Variants in NEK5 observed in about 807,000 individuals in gnomAD.
NEK5 encodes NIMA related kinase 5, also known as serine/threonine-protein kinase Nek5.
Under a neutral mutation model 109.2 loss-of-function variants are expected in NEK5, and 88 were observed. The ratio of observed to expected loss-of-function variants is 0.81; its 90% CI spans 0.68 to 0.96. The LOEUF is 0.96. NEK5 is among the 40% of genes least tolerant of loss of function. NEK5 has a pLI of 0.00. For synonymous variants in NEK5, 283 were observed against 299.9 expected (o/e 0.94, Z 0.58); for missense variants, 834 against 920.7 (o/e 0.91, Z 1.22).
In NEK5 at chr13:52,034,005, G is replaced by T. The variant is rs1397500526; in HGVS notation, c.*2943C>A. ...CCACTCTAAATGTAAGGCAACCCTT[G>T]GCTTTGGAGAAGCATCTGTTCCAAT... is the stretch of plus-strand genomic sequence containing the variant. On this transcript the variant is annotated 3_prime_UTR_variant, in exon 24 of 24. Transcript: ENST00000684899. 6.6e-6 allele frequency: 1 copy of T among 152,078 alleles called. No individual in the cohort carries two copies. Among genetic ancestry groups the T allele is most frequent in the Admixed American group, 6.6e-5 (1 of 15,264 alleles). 9.4% of individuals were successfully genotyped at this position (152,078 alleles called of 1,614,324 possible).
At chr13:52,121,763 CT>C (rs1955974844) in intron 3 of NEK5, among the ~76,000 whole-genome samples, 1 of 152,170 alleles carries the variant, frequency 6.6e-6, no homozygotes, top group East Asian at 1.9e-4. Flanking sequence ...ATAGTTAGAG[CT>C]TTTTATTTCA....
At chr13:52,057,598 C>T (rs1472099159) in intron 22 of NEK5, among the ~76,000 whole-genome samples, 3 of 152,154 alleles carry the variant, frequency 2.0e-5, no homozygotes, top group Admixed American at 2.0e-4. Flanking sequence ...AGCTTATCCA[C>T]CATGATCAAG....
At chr13:52,049,892 A>G (rs956337029) in intron 23 of NEK5, among the ~76,000 whole-genome samples, 1 of 152,206 alleles carries the variant, frequency 6.6e-6, no homozygotes, top group African/African-American at 2.4e-5. Flanking sequence ...AGGAGGTACA[A>G]TGGAAGCCAT....
At chr13:52,080,833 T>C (rs1954995307) in intron 17 of NEK5, among the ~76,000 whole-genome samples, 2 of 151,468 alleles carry the variant, frequency 1.3e-5, no homozygotes, top group South Asian at 4.2e-4. Flanking sequence ...CCCTCCACTG[T>C]TGTCCTATGA....
rs1162961515 is a variant in NEK5 at position 52,102,257 on chromosome 13, C to A, written c.645G>T (p.Lys215Asn). The change falls in exon 10 of 24, where the codon AAG (lysine) becomes AAT (asparagine). Residue 215 changes from lysine (K) to asparagine (N), a missense_variant. Coordinates refer to ENST00000684899, the MANE Select transcript of NEK5 (RefSeq NM_001365552.1). Reference protein sequence around the residue: ...EGNNLQQLVLKICQAHFAPIS... With the variant: ...EGNNLQQLVLNICQAHFAPIS... ...TTGGGGCAAAATGTGCTTGACAAAT[C>A]TTCAGAACCAGCTGCTGTAAGTTGT... The A allele has an allele frequency of 6.2e-7, 1 of 1,613,990 alleles. No homozygotes were observed. The highest frequency in any genetic ancestry group is 8.5e-7 in the Non-Finnish European group (1 of 1,179,992).
At chr13:52,043,852 A>C (rs990474724) in intron 23 of NEK5, among the ~76,000 whole-genome samples, 1 of 152,258 alleles carries the variant, frequency 6.6e-6, no homozygotes, top group African/African-American at 2.4e-5. Context: ...AATGTGAAAT[A>C]GAATAACCAC....
intron 7 of NEK5, among the ~76,000 whole-genome samples, chr13:52,109,972 C>T (rs1433761100): frequency 6.6e-6 from 1 of 152,114 alleles, no homozygotes; most frequent in Non-Finnish European, 1.5e-5. Flanking sequence ...CAGGCATGGA[C>T]CTTTGGTCAC....
At chr13:52,054,878 A>G (rs11148236) in intron 22 of NEK5, among the ~76,000 whole-genome samples, 59,252 of 148,900 alleles carry the variant, frequency 0.4, 12,838 homozygotes, top group Non-Finnish European at 0.51. Flanking sequence ...TGGAAACTCT[A>G]AAAAGCAGAG....
intron 16 of NEK5, among the ~76,000 whole-genome samples, chr13:52,084,173 G>A (rs779998619): frequency 6.6e-5 from 10 of 152,108 alleles, no homozygotes; most frequent in East Asian, 1.9e-4. Flanking sequence ...CATGTGTCTC[G>A]TCATTCCAAC....
chr13:52,064,436 C>T (rs1440289321), intron 21 of NEK5, among the ~76,000 whole-genome samples: 11 of 144,866 alleles, frequency 7.6e-5, no homozygotes, highest in Non-Finnish European at 1.1e-4. Flanking sequence ...CCACCCCGTC[C>T]GGGAGGGAGG....
In NEK5 at chr13:52,086,355, C is replaced by A. The variant is rs751928726; in HGVS notation, c.1401G>T (p.Trp467Cys). The A allele has an allele frequency of 6.2e-7, 1 of 1,608,972 alleles. No homozygotes were observed. The highest frequency in any genetic ancestry group is 8.5e-7 in the Non-Finnish European group (1 of 1,175,592). Residue 467 changes from tryptophan (W) to cysteine (C), a missense_variant, in exon 16 of 24, where the codon TGG becomes TGT. Physicochemically the swap from Trp to Cys is radical, Grantham distance 215 (BLOSUM62 -2). Transcript: ENST00000684899. ...GTTGGCGTATTTCCTCTAACTGCTT[C>A]CAATATTCCTGGAAAGCAAACCCAA... ...RKNEMKEQEY[W>C]KQLEEIRQQY... is the part of the protein sequence containing the mutation.
chr13:52,085,937 T>C (rs1390257648), intron 16 of NEK5, among the ~76,000 whole-genome samples: 2 of 152,218 alleles, frequency 1.3e-5, no homozygotes, highest in Non-Finnish European at 2.9e-5. Context: ...CTTACACTCA[T>C]TTTGGACTTT....
chr13:52,115,690 A>C (rs1381206127), intron 4 of NEK5, among the ~76,000 whole-genome samples: 1 of 150,362 alleles, frequency 6.7e-6, no homozygotes, highest in Non-Finnish European at 1.5e-5. Context: ...CCCATTAGCC[A>C]CTGTTAATTT....
chr13:52,081,189 G>C (rs967247984), intron 17 of NEK5, among the ~76,000 whole-genome samples: 1 of 152,126 alleles, frequency 6.6e-6, no homozygotes, highest in African/African-American at 2.4e-5. Flanking sequence ...TCTACAAGTA[G>C]AGACTTTTTT....
intron 4 of NEK5, among the ~76,000 whole-genome samples, chr13:52,115,601 CAAAAAAAAA>C (rs71088014): frequency 2.8e-3 from 136 of 49,228 alleles, no homozygotes; most frequent in South Asian, 5.1e-3. Context: ...GAGACTCCGT[CAAAAAAAAA>C]AAAAAAAAAA....
intron 12 of NEK5, among the ~76,000 whole-genome samples, chr13:52,093,825 A>G (rs1955348509): frequency 1.3e-5 from 2 of 152,200 alleles, no homozygotes; most frequent in South Asian, 2.1e-4. Context: ...GAGTATGCCC[A>G]GGCAACCCAA....
intron 20 of NEK5, among the ~76,000 whole-genome samples, chr13:52,070,734 TA>T (rs1214872287): frequency 2.0e-5 from 3 of 152,064 alleles, no homozygotes; most frequent in Non-Finnish European, 4.4e-5. Context: ...ACTAATACAG[TA>T]ACCATTTAGA....
chr13:52,124,837 G>A (rs1227324115), intron 3 of NEK5, among the ~76,000 whole-genome samples: 2 of 152,208 alleles, frequency 1.3e-5, no homozygotes, highest in South Asian at 2.1e-4. Context: ...CTGTCCCAGT[G>A]AAGGTTTGGG....
At chr13:52,062,210 TTAA>T (rs1954619222) in intron 21 of NEK5, 1 of 152,224 alleles carries the variant, frequency 6.6e-6, no homozygotes, top group Non-Finnish European at 1.5e-5. Context: ...GATTTATAAC[TTAA>T]TAAGACAATT....
Sources: gnomAD v4.1 joint callset for allele counts (sites outside exome capture counted in the v4.1 genomes callset) on GRCh38, gnomAD v4.1.1 for gene constraint, MANE v1.5 for transcripts, NCBI Gene and HGNC (gene_info 2026-07-23, HGNC 2026-07-21) for gene names.